Variants in MACROD2 observed in about 807,000 individuals in gnomAD.
MACROD2 encodes ADP-ribose glycohydrolase MACROD2.
A neutral mutation model predicts 70.4 loss-of-function variants in MACROD2; 36 were observed. The ratio of observed to expected loss-of-function variants is 0.51; its 90% confidence interval spans 0.39 to 0.68. The LOEUF is 0.68. MACROD2 is among the 30% of genes least tolerant of loss of function. The pLI, the probability that MACROD2 is intolerant of heterozygous loss-of-function variation, is 0.00. For synonymous variants in MACROD2, 172 were observed against 178.8 expected (o/e 0.96, Z 0.30); for missense variants, 496 against 538.4 (o/e 0.92, Z 0.78).
intron 3 of MACROD2, among the ~76,000 whole-genome samples, chr20:14,198,529 T>C (rs2081452436): frequency 6.6e-6 from 1 of 152,198 alleles, no homozygotes; most frequent in East Asian, 1.9e-4. Flanking sequence ...TGGTTATTCA[T>C]CAAATGGACA....
At chr20:14,203,679 A>G (rs894781544) in intron 3 of MACROD2, among the ~76,000 whole-genome samples, 1 of 152,198 alleles carries the variant, frequency 6.6e-6, no homozygotes, top group Non-Finnish European at 1.5e-5. Flanking sequence ...TGAGTTCCTT[A>G]GAGGCTTAGG....
intron 3 of MACROD2, among the ~76,000 whole-genome samples, chr20:14,217,073 TTG>T (rs931313427): frequency 1.3e-5 from 2 of 152,190 alleles, no homozygotes; most frequent in African/African-American, 4.8e-5. Flanking sequence ...GTGGGCATCC[TTG>T]TGTTGTTCCA....
intron 5 of MACROD2, among the ~76,000 whole-genome samples, chr20:15,052,353 A>C (rs1422717212): frequency 6.6e-6 from 1 of 152,106 alleles, no homozygotes; most frequent in Non-Finnish European, 1.5e-5. Context: ...TCTTTTTACA[A>C]ATTGAAGGTT....
chr20:15,435,207 T>C (rs1266314473), intron 7 of MACROD2, among the ~76,000 whole-genome samples: 1 of 152,114 alleles, frequency 6.6e-6, no homozygotes, highest in African/African-American at 2.4e-5. Context: ...AAAAAGGCAT[T>C]TTACTTAATC....
At chr20:14,670,841 G>GCC in intron 4 of MACROD2, among the ~76,000 whole-genome samples, 1 of 152,204 alleles carries the variant, frequency 6.6e-6, no homozygotes, top group South Asian at 2.1e-4. Flanking sequence ...TAGTCAGCAC[G>GCC]CCCATGTTGA....
chr20:14,345,719 C>T (rs1347150567), intron 3 of MACROD2, among the ~76,000 whole-genome samples: 1 of 151,876 alleles, frequency 6.6e-6, no homozygotes. Flanking sequence ...TGAGAGTCAC[C>T]ACACTTGGCC....
At chr20:14,972,524 A>G (rs947242462) in intron 5 of MACROD2, among the ~76,000 whole-genome samples, 3 of 152,174 alleles carry the variant, frequency 2.0e-5, no homozygotes, top group Admixed American at 6.5e-5. Context: ...TACATGCTAC[A>G]TAAGTCTTTA....
intron 3 of MACROD2, among the ~76,000 whole-genome samples, chr20:14,366,263 T>C (rs1425071288): frequency 1.3e-5 from 2 of 152,176 alleles, no homozygotes; most frequent in Admixed American, 1.3e-4. Context: ...ATTTTTGCTT[T>C]ATATATTTGG....
chr20:15,946,616 A>T (rs970037030), intron 12 of MACROD2, among the ~76,000 whole-genome samples: 1 of 152,224 alleles, frequency 6.6e-6, no homozygotes, highest in African/African-American at 2.4e-5. Flanking sequence ...TAGACCTCTT[A>T]AGAGTAGGTA....
intron 3 of MACROD2, among the ~76,000 whole-genome samples, chr20:14,463,870 C>A (rs1356863983): frequency 6.6e-6 from 1 of 151,986 alleles, no homozygotes; most frequent in Non-Finnish European, 1.5e-5. Flanking sequence ...AGCCTTGCAT[C>A]CCAGGGATGA....
At chr20:15,229,558 A>T (rs377184759) in intron 5 of MACROD2, among the ~76,000 whole-genome samples, 6 of 152,298 alleles carry the variant, frequency 3.9e-5, no homozygotes, top group Admixed American at 1.3e-4. Context: ...GTGCCAATCC[A>T]GATGTTCCTT....
rs186369705 is a variant in MACROD2, at chr20:15,538,178, A to C, written c.645+38331A>C. On this transcript the variant is annotated intron_variant, in intron 8 of 17. Transcript: ENST00000684519. ...GAAAAACAACTTAAAAAAACTACCT[A>C]AACTATCAATTTTATCATCCATTCA... 3.3e-4 allele frequency among the ~76,000 whole-genome samples: 50 copies of C among 152,332 alleles called. 1 individual carries two copies. Among genetic ancestry groups the C allele is most frequent in the Non-Finnish European group, 7.3e-5 (5 of 68,032 alleles).
rs183229955 is a variant in MACROD2, at chr20:15,554,639, G to C, written c.645+54792G>C. Among the ~76,000 whole-genome samples, 483 of 151,230 alleles carry C rather than the reference G, an allele frequency of 3.2e-3. 3 individuals are homozygous for C. The highest frequency in any genetic ancestry group is 0.011 in the African/African-American group (447 of 41,286). On this transcript the variant is annotated intron_variant, in intron 8 of 17. Transcript: ENST00000684519. ...ACTTGTATGCTTAGGACTATTGTTT[G>C]TTGGAATGATTTAATGAACTAGATT...
chr20:14,593,173 TTA>T (rs1336205275), intron 4 of MACROD2, among the ~76,000 whole-genome samples: 3 of 152,196 alleles, frequency 2.0e-5, no homozygotes, highest in Admixed American at 1.3e-4. Flanking sequence ...TTAAATTCTT[TTA>T]TGAGTGTGTT....
At chr20:15,458,633 TTTTTTTA>T (rs2046764431) in intron 7 of MACROD2, among the ~76,000 whole-genome samples, 1 of 140,892 alleles carries the variant, frequency 7.1e-6, no homozygotes, top group Non-Finnish European at 1.5e-5. Flanking sequence ...TTTTGTTTTT[TTTTTTTA>T]AAAAAAAAAA....
intron 6 of MACROD2, among the ~76,000 whole-genome samples, chr20:15,289,059 T>C (rs2077518424): frequency 6.6e-6 from 1 of 152,158 alleles, no homozygotes; most frequent in Non-Finnish European, 1.5e-5. Context: ...GAGAACATCA[T>C]GCTTTGATTG....
chr20:15,558,200 C>T (rs1256478552), intron 8 of MACROD2, among the ~76,000 whole-genome samples: 3 of 152,222 alleles, frequency 2.0e-5, no homozygotes, highest in African/African-American at 7.2e-5. Flanking sequence ...TTGGCTCTAG[C>T]CAGACTATGA....
intron 3 of MACROD2, among the ~76,000 whole-genome samples, chr20:14,132,761 C>T (rs568605405): frequency 1.7e-4 from 26 of 152,220 alleles, no homozygotes; most frequent in Non-Finnish European, 3.8e-4. Flanking sequence ...TTCTCAGCCT[C>T]CTGAGTAGCT....
At chr20:15,647,895 T>C (rs1783538031) in intron 8 of MACROD2, among the ~76,000 whole-genome samples, 1 of 152,030 alleles carries the variant, frequency 6.6e-6, no homozygotes, top group Non-Finnish European at 1.5e-5. Context: ...ATTTTTGTAT[T>C]TTTAGTAGAG....
Sources: allele counts gnomAD v4.1 joint callset (sites outside exome capture counted in the v4.1 genomes callset), GRCh38; gene constraint gnomAD v4.1.1; transcripts MANE v1.5; gene names NCBI Gene and HGNC (gene_info 2026-07-23, HGNC 2026-07-21).